Variants in NXF1 observed in about 807,000 individuals in gnomAD.
NXF1 encodes mRNA export factor TAP.
A neutral mutation model predicts 92.4 loss-of-function variants in NXF1; 43 were observed. That is an observed-to-expected ratio of 0.47 (90% CI 0.36 to 0.60). The LOEUF is 0.60. Ranked by LOEUF, NXF1 falls within the 20% of genes least tolerant of loss-of-function variation. NXF1 has a pLI of 0.00. For missense variants in NXF1, 576 were observed against 793.0 expected, an observed-to-expected ratio of 0.73 and a Z score of 3.29; for synonymous variants, 288 against 292.2, an observed-to-expected ratio of 0.99 and a Z score of 0.15.
chr11:62,801,899 C>T, intron 5 of NXF1, 43 bp downstream of exon 5: 9 of 1,605,342 alleles, frequency 5.6e-6, no homozygotes, highest in Non-Finnish European at 6.8e-6. Context: ...CTGCTCTGAG[C>T]ACCAACCTCC....
Position 62,794,283 on chromosome 11 carries a change from C to A in NXF1, c.1735G>T (p.Gly579Cys), listed in dbSNP as rs539792607. The change falls in exon 19 of 21, where the codon GGC (glycine) becomes TGC (cysteine). Residue 579 changes from glycine to cysteine, a missense_variant. Transcript: ENST00000294172. Reference sequence around the variant, plus strand: ...TTCTGGGACCACTCGAGGTTCATGCCAGACTGGGTAGAGAATGCTTGCAAC... The same window carrying A: ...TTCTGGGACCACTCGAGGTTCATGCAAGACTGGGTAGAGAATGCTTGCAAC... The part of the protein sequence containing the change: ...EMLQAFSTQS[G>C]MNLEWSQKCL... 3.1e-6 allele frequency: 5 copies of A among 1,613,976 alleles called. No homozygotes were observed. The South Asian group carries it at 5.5e-5, about 18-fold the overall frequency.
chr11:62,804,088 C>A (rs1428996022), intron 1 of NXF1, 110 bp from the exon 2 acceptor site: 1 of 1,590,396 alleles, frequency 6.3e-7, no homozygotes, highest in Non-Finnish European at 8.5e-7. Flanking sequence ...ATACTAACGA[C>A]AGAGGCCATC....
At chr11:62,800,951 T>C (rs1202789826) in intron 9 of NXF1, 143 bp downstream of exon 9, 4 of 667,478 alleles carry the variant, frequency 6.0e-6, no homozygotes, top group African/African-American at 3.6e-5. Context: ...CCTCCTGCCT[T>C]GGCCTCCCAA....
At chr11:62,800,682 A>G (rs1241397169) in intron 9 of NXF1, among the ~76,000 whole-genome samples, 196 bp from the exon 10 acceptor site, 1 of 150,462 alleles carries the variant, frequency 6.6e-6, no homozygotes, top group Non-Finnish European at 1.5e-5. Flanking sequence ...AGTTCACTGC[A>G]GCCTCAAACT....
At position 62,792,336 on chromosome 11, in the gene NXF1, AGGGATCAG is replaced by A; in HGVS notation, c.*132_*139del. 1.0e-6 allele frequency: 1 copy of A among 1,000,282 alleles called. No individual in the cohort carries two copies. Among genetic ancestry groups the A allele is most frequent in the South Asian group, 1.3e-5 (1 of 76,358 alleles). 62.0% of individuals were successfully genotyped at this position (1,000,282 alleles called of 1,614,324 possible). On this transcript the variant is annotated 3_prime_UTR_variant, in exon 21 of 21. Coordinates refer to ENST00000294172, the MANE Select transcript of NXF1 (RefSeq NM_006362.5). ...AGTCTTCCAGAAGGCAGGCGAGGAGAGGGATCAGGCAGCCCTCCCTCCCTCGGTCACAG... is the reference window on the plus strand; with the variant it reads ...AGTCTTCCAGAAGGCAGGCGAGGAGAGCAGCCCTCCCTCCCTCGGTCACAG...
At chr11:62,792,782 A>C (rs755138772) in intron 19 of NXF1, 81 bp from the exon 20 acceptor site, 3 of 1,316,558 alleles carry the variant, frequency 2.3e-6, no homozygotes, top group Middle Eastern at 4.1e-4. Context: ...AAAGCACCCA[A>C]GTTTGCCAAC....
chr11:62,793,460 G>A (rs942338585), intron 19 of NXF1, among the ~76,000 whole-genome samples: 2 of 152,084 alleles, frequency 1.3e-5, no homozygotes, highest in African/African-American at 2.4e-5. Context: ...ACCTATAACC[G>A]CAGCACTTTG....
At position 62,798,521 on chromosome 11, in the gene NXF1, AAAAAATTATGG is replaced by A. The variant is rs1416084331; in HGVS notation, c.1053+7_1053+17del. The A allele has an allele frequency of 1.2e-6, 2 of 1,613,920 alleles. No homozygotes were observed. Among genetic ancestry groups the A allele is most frequent in the Non-Finnish European group, 1.7e-6 (2 of 1,179,918 alleles). On this transcript the variant is annotated splice_region_variant and intron_variant, in intron 11 of 20. Transcript: ENST00000294172. ...GAGAGATGCTGTGCTTGTTAGAATG[AAAAAATTATGG>A]ACTTACCAGGCGTAGTAACTTGGGA...
At position 62,792,780 on chromosome 11, in the gene NXF1, C is replaced by T. The variant is rs1230771684; in HGVS notation, c.1761-79G>A. On this transcript the variant is annotated intron_variant, in intron 19 of 20. Transcript: ENST00000294172. ...TGAAAGTCCACTCCATAAAAGCACC[C>T]AAGTTTGCCAACAAATATGTACATT... 5.4e-6 allele frequency: 7 copies of T among 1,305,186 alleles called. No homozygotes were observed. The South Asian group carries it at 8.5e-5, about 16-fold the overall frequency. 80.9% of individuals were successfully genotyped at this position (1,305,186 alleles called of 1,614,324 possible). A position where few individuals can be genotyped will look rare whatever the true frequency, so the allele number is the denominator to read the frequency against.
rs555974800 is a variant in NXF1 at position 62,800,248 on chromosome 11, C to T, written c.1016+129G>A. 12 of 1,498,426 alleles carry T rather than the reference C, an allele frequency of 8.0e-6. No homozygotes were observed. The African/African-American group carries it at 1.3e-4, about 16-fold the overall frequency. The allele number at this position is 1,498,426 out of a possible 1,614,324, so 92.8% of individuals were successfully genotyped here. ...CAGACCAAAGTGGGGAGCACGCGAT[C>T]CTCTCAAAGGACAGGTGGTTCCAGC... On this transcript the variant is annotated intron_variant, in intron 10 of 20. Coordinates refer to ENST00000294172, the MANE Select transcript of NXF1 (RefSeq NM_006362.5).
In NXF1 at chr11:62,798,536, T is replaced by C; in HGVS notation, c.1053+3A>G. Reference sequence around the variant, plus strand: ...TGTTAGAATGAAAAAATTATGGACTTACCAGGCGTAGTAACTTGGGAAATC... The same window carrying C: ...TGTTAGAATGAAAAAATTATGGACTCACCAGGCGTAGTAACTTGGGAAATC... On this transcript the variant is annotated splice_donor_region_variant and intron_variant, in intron 11 of 20. Transcript: ENST00000294172. The C allele has an allele frequency of 6.2e-7, 1 of 1,614,050 alleles. No homozygotes were observed. The highest frequency in any genetic ancestry group is 8.5e-7 in the Non-Finnish European group (1 of 1,179,972).
Position 62,797,252 on chromosome 11 carries a change from G to A in NXF1, c.1123-14C>T. The A allele has an allele frequency of 6.2e-7, 1 of 1,614,038 alleles. No homozygotes were observed. The highest frequency in any genetic ancestry group is 8.5e-7 in the Non-Finnish European group (1 of 1,179,952). ...AAAATAGCTTCCCTGAAATCAAACAGGTATTAGGAACATGGAAGCAGTATT... is the reference window on the plus strand; with the variant it reads ...AAAATAGCTTCCCTGAAATCAAACAAGTATTAGGAACATGGAAGCAGTATT... On this transcript the variant is annotated splice_polypyrimidine_tract_variant and intron_variant, in intron 12 of 20. Transcript: ENST00000294172.
chr11:62,803,971 A>G lies in NXF1; in HGVS notation c.36T>C (p.Asp12=). Residue 12 remains aspartate, a synonymous_variant, in exon 2 of 21, where the codon GAT becomes GAC. Coordinates refer to ENST00000294172, the MANE Select transcript of NXF1 (RefSeq NM_006362.5). ...TTTGAGGGAAATTAACGCGTTCATC[A>G]TCGTGTTCTAGAGTTAGAAACAGGA... ...ADEGKSYSEH[D]DERVNFPQRK... 6.2e-7 allele frequency: 1 copy of G among 1,613,522 alleles called. No homozygotes were observed. The highest frequency in any genetic ancestry group is 1.3e-5 in the African/African-American group (1 of 74,982).
At position 62,792,410 on chromosome 11, in the gene NXF1, C is replaced by A. The variant is rs1054252071; in HGVS notation, c.*66G>T. 1.2e-5 allele frequency: 19 copies of A among 1,597,150 alleles called. No individual in the cohort carries two copies. In the East Asian group the frequency reaches 3.8e-4, roughly 32 times the overall value. ...GGGCCAGACAGGAGGAGATGACAGA[C>A]GACAACCAGACGGTAATATCCAAGG... On this transcript the variant is annotated 3_prime_UTR_variant, in exon 21 of 21. Coordinates refer to ENST00000294172, the MANE Select transcript of NXF1 (RefSeq NM_006362.5).
At chr11:62,804,059 G>T (rs745754466) in intron 1 of NXF1, 81 bp from the exon 2 acceptor site, 30 of 1,598,622 alleles carry the variant, frequency 1.9e-5, no homozygotes, top group Non-Finnish European at 2.2e-5. Context: ...CTAGTACTCT[G>T]AACTATTGGA....
In NXF1 at chr11:62,794,269, C is replaced by T; in HGVS notation, c.1749G>A (p.Glu583=). Residue 583 remains glutamate, a synonymous_variant, in exon 19 of 21, where the codon GAG becomes GAA. Transcript: ENST00000294172. ...AFSTQSGMNL[E]WSQKCLQDNN... ...TGCCCCGCACTCACTTCTGGGACCA[C>T]TCGAGGTTCATGCCAGACTGGGTAG... The T allele has an allele frequency of 1.2e-6, 2 of 1,613,666 alleles. No homozygotes were observed. The highest frequency in any genetic ancestry group is 1.7e-6 in the Non-Finnish European group (2 of 1,179,618).
chr11:62,796,241 C>G (rs1391318752), intron 15 of NXF1, 46 bp downstream of exon 15: 17 of 1,613,140 alleles, frequency 1.1e-5, no homozygotes, highest in Non-Finnish European at 1.2e-5. Flanking sequence ...CTGACTGATT[C>G]CTTCCCATGC....
rs756025099 is a variant in NXF1 at position 62,801,973 on chromosome 11, T to C, written c.527A>G (p.Asn176Ser). ...ASTASALKAV[N>S]YKILDRENRR... ...GTTCTCCCGATCCAAAATCTTATAG[T>C]TGACAGCCTTCAATGCAGAGGCAGT... is the stretch of plus-strand genomic sequence containing the variant. The change falls in exon 5 of 21, where the codon AAC becomes AGC. Residue 176 changes from asparagine (N) to serine (S), a missense_variant. Transcript: ENST00000294172. 6.2e-7 allele frequency: 1 copy of C among 1,614,256 alleles called. No individual in the cohort carries two copies. The highest frequency in any genetic ancestry group is 8.5e-7 in the Non-Finnish European group (1 of 1,180,024).
chr11:62,804,220 G>C (rs775740118), intron 1 of NXF1: 6 of 1,487,892 alleles, frequency 4.0e-6, no homozygotes, highest in African/African-American at 1.4e-5. Flanking sequence ...ACTGGAATTA[G>C]AGAGAAGCAG....
Sources: gnomAD v4.1 joint callset for allele counts (sites outside exome capture counted in the v4.1 genomes callset) on GRCh38, gnomAD v4.1.1 for gene constraint, MANE v1.5 for transcripts, NCBI Gene and HGNC (gene_info 2026-07-23, HGNC 2026-07-21) for gene names.